Variants in CCDC7 observed in about 807,000 individuals in gnomAD.
CCDC7 encodes the protein coiled-coil domain containing 7, also known as coiled-coil domain-containing protein 7.
A neutral mutation model predicts 196.9 loss-of-function variants in CCDC7; 183 were observed. The ratio of observed to expected loss-of-function variants is 0.93; its 90% CI spans 0.82 to 1.05. CCDC7 has a LOEUF of 1.05. Ranked by LOEUF, CCDC7 falls within the 50% of genes least tolerant of loss-of-function variation. The pLI is 0.00. For missense variants in CCDC7, 1,540 were observed against 1,482.2 expected, an observed-to-expected ratio of 1.04 and a Z score of -0.64; for synonymous variants, 525 against 484.6, an observed-to-expected ratio of 1.08 and a Z score of -1.10.
intron 18 of CCDC7, among the ~76,000 whole-genome samples, chr10:32,605,900 C>G (rs909328233): frequency 6.6e-6 from 1 of 152,118 alleles, no homozygotes; most frequent in Admixed American, 6.5e-5. Context: ...TAACCACTTG[C>G]TAGAGAGATT....
rs540038619 is a variant in CCDC7, at chr10:32,547,990, T to C, written c.1134+3689T>C. 4.6e-5 allele frequency among the ~76,000 whole-genome samples: 7 copies of C among 152,336 alleles called. No homozygotes were observed. The South Asian group carries it at 1.4e-3, about 32-fold the overall frequency. ...CCCAAAGTCTATTGTATCATTCTTA[T>C]GTCTTTGCATCCTCACAGCTTACCT... On this transcript the variant is annotated intron_variant, in intron 13 of 41. Transcript: ENST00000639629.
At chr10:32,767,877 G>A (rs1239678941) in intron 28 of CCDC7, among the ~76,000 whole-genome samples, 1 of 152,002 alleles carries the variant, frequency 6.6e-6, no homozygotes, top group Non-Finnish European at 1.5e-5. Context: ...CATAGAGAAG[G>A]AATCCAGAAA....
At chr10:32,681,048 CA>C (rs1390236369) in intron 21 of CCDC7, among the ~76,000 whole-genome samples, 1 of 152,190 alleles carries the variant, frequency 6.6e-6, no homozygotes, top group African/African-American at 2.4e-5. Flanking sequence ...AGAGCCCCAT[CA>C]GTCTCCACCT....
chr10:32,844,893 CAT>C (rs1370826127), intron 33 of CCDC7, among the ~76,000 whole-genome samples: 1 of 151,728 alleles, frequency 6.6e-6, no homozygotes, highest in Non-Finnish European at 1.5e-5. Flanking sequence ...CACACACACA[CAT>C]AAAATGTTTA....
At chr10:32,462,925 A>C in intron 4 of CCDC7, 92 bp from the exon 6 acceptor site, 3 of 1,550,532 alleles carry the variant, frequency 1.9e-6, no homozygotes, top group Non-Finnish European at 2.6e-6. Flanking sequence ...AGATTCAGAG[A>C]CACAGACACA....
chr10:32,841,202 T>C (rs950692213), intron 33 of CCDC7, among the ~76,000 whole-genome samples: 1 of 151,958 alleles, frequency 6.6e-6, no homozygotes, highest in Non-Finnish European at 1.5e-5. Flanking sequence ...AAAGAGGAAA[T>C]CAAACTGTAA....
At position 32,845,475 on chromosome 10, in the gene CCDC7, C is replaced by T; in HGVS notation, c.3437-68C>T. The T allele has an allele frequency of 5.8e-6, 8 of 1,385,394 alleles. No individual in the cohort carries two copies. The Admixed American group carries it at 9.7e-5, about 17-fold the overall frequency. The allele number at this position is 1,385,394 out of a possible 1,614,324, so 85.8% of individuals were successfully genotyped here. Reference sequence around the variant, plus strand: ...ATGAATATCCTCCTATAATTAAACACAAAAACACACACAAGTATGGTAATG... The same window carrying T: ...ATGAATATCCTCCTATAATTAAACATAAAAACACACACAAGTATGGTAATG... On this transcript the variant is annotated intron_variant, in intron 34 of 41. Coordinates refer to ENST00000639629, the Ensembl canonical transcript of CCDC7.
At chr10:32,566,994 A>T (rs1252454360) in intron 14 of CCDC7, among the ~76,000 whole-genome samples, 1 of 102,290 alleles carries the variant, frequency 9.8e-6, no homozygotes, top group Non-Finnish European at 1.9e-5. Context: ...ATTTATATAT[A>T]AAAAAATATC....
At chr10:32,731,446 G>GT (rs962883814) in intron 28 of CCDC7, among the ~76,000 whole-genome samples, 44 of 150,440 alleles carry the variant, frequency 2.9e-4, no homozygotes, top group African/African-American at 8.0e-4. Context: ...GTGCTTTTCA[G>GT]TTTTTTTTTG....
chr10:32,451,456 A>C, upstream of CCDC7: 1 of 690,820 alleles, frequency 1.4e-6, no homozygotes, highest in East Asian at 3.2e-5. Flanking sequence ...AAAAAGCCTG[A>C]AGTGTAATCA....
exon 7 of CCDC7, chr10:32,472,503 G>A (rs777580473): frequency 2.3e-5 from 37 of 1,587,094 alleles, no homozygotes; most frequent in South Asian, 4.7e-5. Flanking sequence ...TCGACCAGAA[G>A]CAGTGAAAAG....
At chr10:32,653,313 C>T (rs373211418) in intron 20 of CCDC7, among the ~76,000 whole-genome samples, 1 of 152,154 alleles carries the variant, frequency 6.6e-6, no homozygotes, top group African/African-American at 2.4e-5. Flanking sequence ...CCACAGAGTT[C>T]TAACCTGGTG....
chr10:32,751,822 G>A (rs937882119), intron 28 of CCDC7, among the ~76,000 whole-genome samples: 2 of 152,130 alleles, frequency 1.3e-5, no homozygotes, highest in Non-Finnish European at 1.5e-5. Flanking sequence ...CCCCTGGTTA[G>A]AGATGATGTA....
intron 24 of CCDC7, among the ~76,000 whole-genome samples, chr10:32,696,391 C>T (rs997964701): frequency 6.6e-6 from 1 of 152,084 alleles, no homozygotes; most frequent in African/African-American, 2.4e-5. Flanking sequence ...TGAAATTCTC[C>T]ATGTCCACTT....
intron 28 of CCDC7, among the ~76,000 whole-genome samples, chr10:32,777,384 T>A (rs80039129): frequency 0.14 from 21,828 of 152,100 alleles, 1,905 homozygotes; most frequent in African/African-American, 0.25. Flanking sequence ...TATTTTCCTT[T>A]GGGTATATAG....
chr10:32,669,080 C>A (rs963744327), intron 21 of CCDC7, among the ~76,000 whole-genome samples: 2 of 151,924 alleles, frequency 1.3e-5, no homozygotes, highest in African/African-American at 4.8e-5. Context: ...TCCTCCTATA[C>A]CTAACTGGTT....
intron 29 of CCDC7, among the ~76,000 whole-genome samples, chr10:32,790,045 TCTATGCCTTTGCTGGCCTCAGCCCA>T (rs2082450496): frequency 6.6e-6 from 1 of 152,326 alleles, no homozygotes; most frequent in East Asian, 1.9e-4. Flanking sequence ...CAGCCCCATC[TCTATGCCTTTGCTGGCCTCAGCCCA>T]GACAGCAACC....
intron 8 of CCDC7, among the ~76,000 whole-genome samples, chr10:32,482,420 C>T (rs1413843862): frequency 6.6e-6 from 1 of 151,550 alleles, no homozygotes; most frequent in Non-Finnish European, 1.5e-5. Flanking sequence ...TCTTTCTTCT[C>T]CTTGATGAAT....
At chr10:32,734,192 T>C (rs186243922) in intron 28 of CCDC7, among the ~76,000 whole-genome samples, 1 of 152,292 alleles carries the variant, frequency 6.6e-6, no homozygotes, top group Non-Finnish European at 1.5e-5. Flanking sequence ...TGCCCATCAA[T>C]GACAAATTAT....
Sources: gnomAD v4.1 joint callset for allele counts (sites outside exome capture counted in the v4.1 genomes callset) on GRCh38, gnomAD v4.1.1 for gene constraint, MANE v1.5 for transcripts, NCBI Gene and HGNC (gene_info 2026-07-23, HGNC 2026-07-21) for gene names.